The following RBFOX3 variants were observed in gnomAD, a reference collection of about 807,000 sequenced individuals.
The protein encoded by RBFOX3 is RNA binding protein fox-1 homolog 3.
A neutral mutation model predicts 48.7 loss-of-function variants in RBFOX3; 17 were observed. The observed-to-expected ratio is 0.35, with a 90% CI of 0.24 to 0.52. The LOEUF (loss-of-function observed/expected upper bound fraction) is 0.52, where lower values mean the gene tolerates loss of function less well. Among genes scored for constraint, RBFOX3 ranks in the 20% least tolerant of loss-of-function variants. The pLI, the probability that RBFOX3 is intolerant of heterozygous loss-of-function variation, is 0.94. For synonymous variants in RBFOX3, 212 were observed against 209.5 expected (o/e 1.01, Z -0.10); for missense variants, 382 against 497.5 (o/e 0.77, Z 2.21).
chr17:79,293,304 G>GCTTC (rs1346897089), intron 3 of RBFOX3, among the ~76,000 whole-genome samples: 1 of 151,876 alleles, frequency 6.6e-6, no homozygotes, highest in Non-Finnish European at 1.5e-5. Context: ...ACCGATCTTT[G>GCTTC]CTTCCTTCCT....
rs370432640 is a variant in RBFOX3 at position 79,111,372 on chromosome 17, C to T, written c.222+4122G>A. On this transcript the variant is annotated intron_variant, in intron 5 of 14. Coordinates refer to ENST00000693108, the MANE Select transcript of RBFOX3 (RefSeq NM_001350451.2). The surrounding 1 kb of genome is among the most constrained non-coding windows in gnomAD (Gnocchi z 4.2). ...AAAACACCAGTCTCATCCCGTCTCCCTCTACCTGGCTGGCCCTCCACAGTG... is the reference window on the plus strand; with the variant it reads ...AAAACACCAGTCTCATCCCGTCTCCTTCTACCTGGCTGGCCCTCCACAGTG... Among the ~76,000 whole-genome samples the T allele has an allele frequency of 6.6e-5, 10 of 152,298 alleles. No homozygotes were observed. The highest frequency in any genetic ancestry group is 2.4e-4 in the African/African-American group (10 of 41,582).
rs55731401 is a variant in RBFOX3 at position 79,284,543 on chromosome 17, C to CTTTT, written c.-74+23177_-74+23180dup. ...AAGCAGGCTTGGGGGAAGAGACTCG[C>CTTTT]TTTTTTTTTTTGACATGGAGTTTTG... On this transcript the variant is annotated intron_variant, in intron 3 of 14. Transcript: ENST00000693108. Among the ~76,000 whole-genome samples, 3 of 135,778 alleles carry CTTTT rather than the reference C, an allele frequency of 2.2e-5. 1 individual carries two copies. The highest frequency in any genetic ancestry group is 1.5e-5 in the Non-Finnish European group (1 of 64,626). The allele number at this position is 135,778 out of a possible 152,430, so 89.1% of individuals were successfully genotyped here. A position where few individuals can be genotyped will look rare whatever the true frequency, so the allele number is the denominator to read the frequency against.
chr17:79,596,086 ACTC>A (rs2093561456), intron 1 of RBFOX3, among the ~76,000 whole-genome samples: 1 of 151,198 alleles, frequency 6.6e-6, no homozygotes, highest in Non-Finnish European at 1.5e-5. Flanking sequence ...CCTCTTATCT[ACTC>A]CTCATTCCAA....
rs1411725515 is a variant in RBFOX3 at position 79,254,441 on chromosome 17, G to A, written c.-73-18636C>T. Reference sequence around the variant, plus strand: ...ACATGGCACCAGGGCCCAGCCTTGAGACCAACCAGCTGGACTCTTGCACAC... The same window carrying A: ...ACATGGCACCAGGGCCCAGCCTTGAAACCAACCAGCTGGACTCTTGCACAC... On this transcript the variant is annotated intron_variant, in intron 3 of 14. Coordinates refer to ENST00000693108, the MANE Select transcript of RBFOX3 (RefSeq NM_001350451.2). The surrounding 1 kb of genome is among the most constrained non-coding windows in gnomAD (Gnocchi z 4.8). 2.0e-5 allele frequency among the ~76,000 whole-genome samples: 3 copies of A among 152,010 alleles called. No homozygotes were observed. Among genetic ancestry groups the A allele is most frequent in the African/African-American group, 7.3e-5 (3 of 41,366 alleles).
Position 79,206,839 on chromosome 17 carries a change from A to G in RBFOX3, c.-34+28927T>C, listed in dbSNP as rs544482263. ...AAGTGCCTTCTACACCACTCCTCAG[A>G]GAAGTCCTAACTGGATTGAGTCTTG... On this transcript the variant is annotated intron_variant, in intron 4 of 14. Coordinates refer to ENST00000693108, the MANE Select transcript of RBFOX3 (RefSeq NM_001350451.2). 1.3e-3 allele frequency among the ~76,000 whole-genome samples: 197 copies of G among 152,284 alleles called. 1 individual carries two copies. The highest frequency in any genetic ancestry group is 4.8e-3 in the South Asian group (23 of 4,822).
At chr17:79,651,222 C>T in the RBFOX3 span, among the ~76,000 whole-genome samples, 1 of 152,196 alleles carries the variant, frequency 6.6e-6, no homozygotes, top group Non-Finnish European at 1.5e-5. Flanking sequence ...AAACTGCTTT[C>T]CCCCAAGCCT....
chr17:79,250,761 TTTTC>T (rs1415985864), intron 3 of RBFOX3, among the ~76,000 whole-genome samples: 3 of 151,882 alleles, frequency 2.0e-5, no homozygotes, highest in Admixed American at 1.3e-4. Flanking sequence ...CTTTCTTTCC[TTTTC>T]TTTTTCTTTC....
chr17:79,557,852 C>G (rs1264879950), intron 1 of RBFOX3, among the ~76,000 whole-genome samples: 1 of 152,182 alleles, frequency 6.6e-6, no homozygotes, highest in Admixed American at 6.5e-5. Context: ...AGACAACAGA[C>G]AGGTCACGAG....
chr17:79,439,408 C>T (rs563403062), intron 2 of RBFOX3, among the ~76,000 whole-genome samples: 1 of 152,250 alleles, frequency 6.6e-6, no homozygotes, highest in African/African-American at 2.4e-5. Flanking sequence ...CATCTCTCCT[C>T]GCCTTTGCCC....
At chr17:79,201,743 A>T (rs2056789464) in intron 4 of RBFOX3, among the ~76,000 whole-genome samples, 1 of 152,114 alleles carries the variant, frequency 6.6e-6, no homozygotes, top group Non-Finnish European at 1.5e-5. Flanking sequence ...TGCCAAGCTC[A>T]CACACAGCAC....
chr17:79,238,055 G>C (rs1236434895), intron 3 of RBFOX3, among the ~76,000 whole-genome samples: 1 of 152,200 alleles, frequency 6.6e-6, no homozygotes, highest in African/African-American at 2.4e-5. Context: ...TCCTGCCTCA[G>C]CCTCCGAAGT....
At chr17:79,644,713 T>C in the RBFOX3 span, among the ~76,000 whole-genome samples, 3 of 152,208 alleles carry the variant, frequency 2.0e-5, no homozygotes, top group Non-Finnish European at 4.4e-5. Flanking sequence ...AAATTAAATA[T>C]CTCAGGAAGA....
chr17:79,381,835 G>T (rs1225598824), intron 2 of RBFOX3, among the ~76,000 whole-genome samples: 1 of 152,170 alleles, frequency 6.6e-6, no homozygotes, highest in Non-Finnish European at 1.5e-5. Context: ...GGACTTGAGA[G>T]CCCCAGGAGG....
intron 4 of RBFOX3, among the ~76,000 whole-genome samples, chr17:79,167,510 T>C (rs2145585823): frequency 6.6e-6 from 1 of 152,226 alleles, no homozygotes; most frequent in East Asian, 1.9e-4. Flanking sequence ...CTCCCATGGG[T>C]CATGGAGTCC....
At chr17:79,216,072 G>A (rs986683171) in intron 4 of RBFOX3, among the ~76,000 whole-genome samples, 5 of 152,258 alleles carry the variant, frequency 3.3e-5, no homozygotes, top group African/African-American at 1.2e-4. Context: ...CAGCCCAGCG[G>A]GGGTCAAGAT....
At chr17:79,539,963 T>C (rs1555789768) in intron 1 of RBFOX3, among the ~76,000 whole-genome samples, 1 of 152,222 alleles carries the variant, frequency 6.6e-6, no homozygotes, top group Non-Finnish European at 1.5e-5. Flanking sequence ...GTCATTCATC[T>C]GAAATCCGGA....
At chr17:79,296,571 G>A (rs1186835785) in intron 3 of RBFOX3, among the ~76,000 whole-genome samples, 5 of 152,066 alleles carry the variant, frequency 3.3e-5, no homozygotes, top group Non-Finnish European at 5.9e-5. Context: ...GGGCTCCCAG[G>A]AAAATGCCCA....
chr17:79,514,145 C>G (rs1203482616), intron 1 of RBFOX3, among the ~76,000 whole-genome samples: 1 of 152,172 alleles, frequency 6.6e-6, no homozygotes, highest in African/African-American at 2.4e-5. Context: ...CCATCTCCAC[C>G]CTGTGCTGGA....
chr17:79,629,122 G>A, the RBFOX3 span, among the ~76,000 whole-genome samples: 810 of 152,368 alleles, frequency 5.3e-3, 1 homozygote, highest in Non-Finnish European at 8.8e-3. Flanking sequence ...CGCCCTGGGT[G>A]TGGAGTTGGG....
Sources: gnomAD v4.1 joint callset for allele counts (sites outside exome capture counted in the v4.1 genomes callset) on GRCh38, gnomAD v4.1.1 for gene constraint, Gnocchi (gnomAD v3.1) non-coding constraint, MANE v1.5 for transcripts, NCBI Gene and HGNC (gene_info 2026-07-23, HGNC 2026-07-21) for gene names.